MNAT1: variants seen among roughly 807,000 people sequenced by gnomAD.
MNAT1 encodes the protein MNAT1 component of CDK activating kinase.
Under a neutral mutation model 42.0 loss-of-function variants are expected in MNAT1, and 43 were observed. The ratio of observed to expected loss-of-function variants is 1.02; its 90% CI spans 0.80 to 1.32. The LOEUF (loss-of-function observed/expected upper bound fraction) is 1.32, where lower values mean the gene tolerates loss of function less well. Ranked by LOEUF, MNAT1 falls within the 40% of genes most tolerant of loss-of-function variation. The probability of loss-of-function intolerance (pLI) is 0.00; values close to 1 mark genes in which losing one functional copy is unlikely to be tolerated. For missense variants in MNAT1, 306 were observed against 350.4 expected (o/e 0.87, Z 1.01); for synonymous variants, 118 against 120.0 (o/e 0.98, Z 0.11).
chr14:60,787,767 A>G (rs1239029228), intron 1 of MNAT1, among the ~76,000 whole-genome samples: 5 of 152,074 alleles, frequency 3.3e-5, no homozygotes, highest in African/African-American at 4.8e-5. Flanking sequence ...AAGAAGCCCA[A>G]ACTCCTCATT....
chr14:60,782,974 T>A (rs1251942711), intron 1 of MNAT1, among the ~76,000 whole-genome samples: 1 of 152,230 alleles, frequency 6.6e-6, no homozygotes, highest in Non-Finnish European at 1.5e-5. Context: ...GGATAAAATC[T>A]TATACTTCTT....
chr14:60,966,259 A>G (rs1427989811), intron 7 of MNAT1, among the ~76,000 whole-genome samples: 1 of 151,102 alleles, frequency 6.6e-6, no homozygotes, highest in Non-Finnish European at 1.5e-5. Flanking sequence ...TAGCTGGATT[A>G]CAGGCACCTG....
At chr14:60,831,492 G>A (rs2033214115) in intron 6 of MNAT1, among the ~76,000 whole-genome samples, 1 of 152,110 alleles carries the variant, frequency 6.6e-6, no homozygotes, top group Admixed American at 6.5e-5. Context: ...CCACGTCCTT[G>A]CAAAGGACAT....
At position 60,856,189 on chromosome 14, in the gene MNAT1, C is replaced by G. The variant is rs1318503378; in HGVS notation, c.688-23525C>G. Among the ~76,000 whole-genome samples the G allele has an allele frequency of 5.3e-5, 8 of 152,184 alleles. 1 individual carries two copies. ...GAATGCAAAGGAAAAGTTAAAAGTG[C>G]TACTCCAAAAGAAACGTTCTTGAAG... On this transcript the variant is annotated intron_variant, in intron 6 of 7. Coordinates refer to ENST00000261245, the MANE Select transcript of MNAT1 (RefSeq NM_002431.4).
intron 1 of MNAT1, among the ~76,000 whole-genome samples, chr14:60,766,308 C>T (rs1305869826): frequency 6.7e-6 from 1 of 148,976 alleles, no homozygotes; most frequent in Non-Finnish European, 1.5e-5. Flanking sequence ...GATAAAGCCA[C>T]TGCACTCCAG....
intron 7 of MNAT1, among the ~76,000 whole-genome samples, chr14:60,925,223 A>G (rs1375604309): frequency 6.6e-6 from 1 of 152,200 alleles, no homozygotes; most frequent in Admixed American, 6.5e-5. Context: ...AACCAAGTAT[A>G]TGCTCCCTGG....
At chr14:60,922,084 A>G (rs1264398320) in intron 7 of MNAT1, among the ~76,000 whole-genome samples, 2 of 152,170 alleles carry the variant, frequency 1.3e-5, no homozygotes, top group Admixed American at 1.3e-4. Flanking sequence ...AAAAAAAGTA[A>G]TTATTTTTGC....
intron 1 of MNAT1, among the ~76,000 whole-genome samples, chr14:60,779,448 C>T: frequency 6.6e-6 from 1 of 152,158 alleles, no homozygotes; most frequent in East Asian, 1.9e-4. Context: ...AGTTTGTCTT[C>T]TTCTCTTGAA....
rs374884469 is a variant in MNAT1 at position 60,866,985 on chromosome 14, A to C, written c.688-12729A>C. Among the ~76,000 whole-genome samples the C allele has an allele frequency of 7.9e-5, 12 of 152,256 alleles. No homozygotes were observed. The South Asian group carries it at 2.5e-3, about 32-fold the overall frequency. On this transcript the variant is annotated intron_variant, in intron 6 of 7. Coordinates refer to ENST00000261245, the MANE Select transcript of MNAT1 (RefSeq NM_002431.4). ...GGAACACTAATTAGAGTATGTGTTT[A>C]AGGAGGAGATTACAAATGAATTTGG...
chr14:60,962,701 G>C (rs568477914), intron 7 of MNAT1, among the ~76,000 whole-genome samples: 3 of 152,228 alleles, frequency 2.0e-5, no homozygotes, highest in African/African-American at 7.2e-5. Context: ...TCTATATTCA[G>C]TTATTAAATA....
At chr14:60,905,479 GCTCA>G (rs1395992165) in intron 7 of MNAT1, among the ~76,000 whole-genome samples, 1 of 152,136 alleles carries the variant, frequency 6.6e-6, no homozygotes, top group Admixed American at 6.5e-5. Context: ...TTTGGAATTG[GCTCA>G]CATGATTATA....
intron 7 of MNAT1, among the ~76,000 whole-genome samples, chr14:60,914,890 T>A (rs1333616091): frequency 6.6e-6 from 1 of 152,166 alleles, no homozygotes; most frequent in Non-Finnish European, 1.5e-5. Flanking sequence ...CAAATTTTAG[T>A]TTATGAGGGA....
intron 6 of MNAT1, among the ~76,000 whole-genome samples, chr14:60,848,295 G>A (rs1037075320): frequency 1.3e-5 from 2 of 152,166 alleles, no homozygotes; most frequent in Non-Finnish European, 1.5e-5. Context: ...GGTCCATTGT[G>A]TGTGATAAGT....
intron 1 of MNAT1, among the ~76,000 whole-genome samples, chr14:60,794,506 A>G (rs938400312): frequency 6.6e-6 from 1 of 151,488 alleles, no homozygotes; most frequent in Non-Finnish European, 1.5e-5. Flanking sequence ...CTCTACAAAA[A>G]AATAAAAAAA....
intron 6 of MNAT1, among the ~76,000 whole-genome samples, chr14:60,853,910 T>C (rs1470088698): frequency 6.6e-6 from 1 of 152,216 alleles, no homozygotes; most frequent in Admixed American, 6.5e-5. Context: ...TTGATCATGG[T>C]GGATAAGCTT....
At chr14:60,779,755 C>T (rs2031386282) in intron 1 of MNAT1, among the ~76,000 whole-genome samples, 1 of 150,988 alleles carries the variant, frequency 6.6e-6, no homozygotes, top group African/African-American at 2.4e-5. Context: ...CACTGCACTC[C>T]AGCCTGGCAA....
At position 60,818,981 on chromosome 14, in the gene MNAT1, G is replaced by A. The variant is rs886641990; in HGVS notation, c.687+134G>A. On this transcript the variant is annotated intron_variant, in intron 6 of 7. Coordinates refer to ENST00000261245, the MANE Select transcript of MNAT1 (RefSeq NM_002431.4). ...GTGTCTGATCTAGTTTTAGGTGTCT[G>A]GAAATATGGATGGGTGCAGTATGAG... 2.5e-5 allele frequency: 23 copies of A among 937,440 alleles called. No homozygotes were observed. The African/African-American group carries it at 3.5e-4, about 14-fold the overall frequency. 58.1% of individuals were successfully genotyped at this position (937,440 alleles called of 1,614,324 possible).
intron 7 of MNAT1, among the ~76,000 whole-genome samples, chr14:60,881,121 A>C (rs2034542000): frequency 6.6e-6 from 1 of 152,120 alleles, no homozygotes; most frequent in Non-Finnish European, 1.5e-5. Context: ...AATTTTGTCA[A>C]AATTTTTCAT....
intron 1 of MNAT1, among the ~76,000 whole-genome samples, chr14:60,794,414 C>T (rs1425672361): frequency 1.3e-5 from 2 of 151,638 alleles, no homozygotes; most frequent in Admixed American, 1.3e-4. Flanking sequence ...CCTATAATCC[C>T]AGAACCTTGG....
Sources: allele counts gnomAD v4.1 joint callset (sites outside exome capture counted in the v4.1 genomes callset), GRCh38; gene constraint gnomAD v4.1.1; transcripts MANE v1.5; gene names NCBI Gene and HGNC (gene_info 2026-07-23, HGNC 2026-07-21).